The following EEIG2 variants were observed in gnomAD, a reference collection of about 807,000 sequenced individuals.
The protein encoded by EEIG2 is EEIG family member 2, also known as family with sequence similarity 102 member B.
chr1:108,611,458 A>G, the EEIG2 span, among the ~76,000 whole-genome samples: 1 of 152,212 alleles, frequency 6.6e-6, no homozygotes, highest in East Asian at 1.9e-4. Flanking sequence ...GAACCTGAGC[A>G]GTAATAACAA....
chr1:108,628,057 AT>A, the EEIG2 span: 3 of 867,068 alleles, frequency 3.5e-6, no homozygotes, highest in Non-Finnish European at 3.7e-6. Context: ...TTTGTAACTT[AT>A]TGTTTTGATA....
chr1:108,618,620 C>T, the EEIG2 span, among the ~76,000 whole-genome samples: 15 of 151,986 alleles, frequency 9.9e-5, no homozygotes, highest in African/African-American at 1.9e-4. Flanking sequence ...TGGCCGGGCT[C>T]GGTGGCTCAC....
chr1:108,561,601 A>G, the EEIG2 span, among the ~76,000 whole-genome samples: 2 of 152,210 alleles, frequency 1.3e-5, no homozygotes, highest in African/African-American at 4.8e-5. Context: ...GGCAATATTG[A>G]AGCCTATGGA....
the EEIG2 span, among the ~76,000 whole-genome samples, chr1:108,577,202 T>G: frequency 1.2e-5 from 1 of 85,814 alleles, no homozygotes; most frequent in Admixed American, 1.3e-4. Context: ...TATTAGCCCT[T>G]TGTCAGATGA....
At chr1:108,624,614 A>G in the EEIG2 span, 10 of 1,599,794 alleles carry the variant, frequency 6.3e-6, no homozygotes, top group African/African-American at 4.0e-5. Context: ...AGGCTCCCCC[A>G]CAACTCCAGT....
chr1:108,639,294 A>T, the EEIG2 span: 3 of 151,762 alleles, frequency 2.0e-5, no homozygotes, highest in African/African-American at 7.3e-5. Context: ...GTAAAGGTGA[A>T]CATGTTCAAT....
the EEIG2 span, chr1:108,639,280 T>G: frequency 2.6e-5 from 4 of 151,284 alleles, no homozygotes; most frequent in Non-Finnish European, 5.9e-5. Flanking sequence ...ATGTTTGTAA[T>G]AATGTAAAGG....
the EEIG2 span, among the ~76,000 whole-genome samples, chr1:108,573,199 G>T: frequency 6.6e-6 from 1 of 152,164 alleles, no homozygotes; most frequent in Non-Finnish European, 1.5e-5. Flanking sequence ...GGCAATGAGG[G>T]CAATTATTAG....
chr1:108,571,867 G>A, the EEIG2 span, among the ~76,000 whole-genome samples: 21,250 of 151,998 alleles, frequency 0.14, 2,230 homozygotes, highest in African/African-American at 0.29. Context: ...TATTATTTCA[G>A]AGGATGAACT....
the EEIG2 span, among the ~76,000 whole-genome samples, chr1:108,631,277 T>G: frequency 6.6e-6 from 1 of 152,244 alleles, no homozygotes; most frequent in African/African-American, 2.4e-5. Context: ...ATTGGCCCAC[T>G]ACCTGTATTT....
the EEIG2 span, among the ~76,000 whole-genome samples, chr1:108,621,117 G>A: frequency 3.3e-5 from 5 of 152,164 alleles, no homozygotes; most frequent in East Asian, 1.9e-4. Flanking sequence ...TAATGTTGTC[G>A]TTTTATGAGG....
chr1:108,628,031 A>T, the EEIG2 span: 2 of 700,754 alleles, frequency 2.9e-6, no homozygotes, highest in Admixed American at 5.0e-5. Flanking sequence ...CACTGACTTA[A>T]AAGGATGTCC....
At chr1:108,572,321 C>G in the EEIG2 span, among the ~76,000 whole-genome samples, 6 of 152,020 alleles carry the variant, frequency 3.9e-5, no homozygotes, top group African/African-American at 1.2e-4. Context: ...GCAGAGTTTC[C>G]ATATACCCAC....
At chr1:108,600,557 T>C in the EEIG2 span, 2 of 1,609,094 alleles carry the variant, frequency 1.2e-6, no homozygotes, top group Non-Finnish European at 1.7e-6. Flanking sequence ...CTTTTTTTCT[T>C]TCCTTCAGGG....
the EEIG2 span, among the ~76,000 whole-genome samples, chr1:108,563,025 A>C: frequency 6.6e-6 from 1 of 152,192 alleles, no homozygotes; most frequent in African/African-American, 2.4e-5. Context: ...ACACTGTAAC[A>C]TTTCTCCTGT....
At chr1:108,581,242 T>C in the EEIG2 span, among the ~76,000 whole-genome samples, 1 of 152,160 alleles carries the variant, frequency 6.6e-6, no homozygotes, top group Admixed American at 6.6e-5. Context: ...TTTCAAAATA[T>C]TACTGCTTAT....
the EEIG2 span, among the ~76,000 whole-genome samples, chr1:108,621,647 CAT>C: frequency 6.6e-6 from 1 of 151,984 alleles, no homozygotes; most frequent in Non-Finnish European, 1.5e-5. Flanking sequence ...AGGTCTAAGA[CAT>C]AGAGGGGATA....
At chr1:108,592,786 T>C in the EEIG2 span, among the ~76,000 whole-genome samples, 1 of 152,218 alleles carries the variant, frequency 6.6e-6, no homozygotes, top group Non-Finnish European at 1.5e-5. Context: ...TCTATGTCAG[T>C]TAGGATTTAG....
the EEIG2 span, chr1:108,560,660 C>T: frequency 4.3e-6 from 6 of 1,401,916 alleles, no homozygotes; most frequent in South Asian, 7.8e-5. Context: ...TCGCCTTTCC[C>T]TAGGGACCGC....
Sources: allele counts gnomAD v4.1 joint callset (sites outside exome capture counted in the v4.1 genomes callset), GRCh38; gene constraint gnomAD v4.1.1; transcripts MANE v1.5; gene names NCBI Gene and HGNC (gene_info 2026-07-23, HGNC 2026-07-21).